Variants in GULP1 observed in about 807,000 individuals in gnomAD.
The protein encoded by GULP1 is PTB domain-containing engulfment adapter protein 1.
A neutral mutation model predicts 40.9 loss-of-function variants in GULP1; 19 were observed. That is an observed-to-expected ratio of 0.46 (90% CI 0.32 to 0.68). The LOEUF is 0.68. GULP1 is among the 30% of genes least tolerant of loss of function. The pLI is 0.03. For missense variants in GULP1, 312 were observed against 362.2 expected (o/e 0.86, Z 1.12); for synonymous variants, 119 against 117.6 (o/e 1.01, Z -0.08).
chr2:188,294,961 A>C (rs1157317623), intron 1 of GULP1, among the ~76,000 whole-genome samples: 1 of 152,202 alleles, frequency 6.6e-6, no homozygotes, highest in Admixed American at 6.5e-5. Flanking sequence ...CCACTTTTAC[A>C]TTTTAATCAT....
intron 1 of GULP1, among the ~76,000 whole-genome samples, chr2:188,350,907 G>A (rs963481417): frequency 3.3e-5 from 5 of 152,064 alleles, no homozygotes; most frequent in African/African-American, 1.2e-4. Flanking sequence ...AAGAAAATGA[G>A]CTTTGTTTAT....
intron 2 of GULP1, among the ~76,000 whole-genome samples, chr2:188,413,043 C>T (rs2054115623): frequency 6.6e-6 from 1 of 151,982 alleles, no homozygotes; most frequent in Admixed American, 6.6e-5. Context: ...ATACATTCAG[C>T]AATGTAACAC....
chr2:188,524,928 T>C (rs1685777161), intron 5 of GULP1, among the ~76,000 whole-genome samples: 1 of 151,832 alleles, frequency 6.6e-6, no homozygotes, highest in Admixed American at 6.6e-5. Context: ...AATATTAATG[T>C]AATGGCTTCT....
At chr2:188,585,421 G>A (rs1412075746) in intron 10 of GULP1, among the ~76,000 whole-genome samples, 1 of 152,210 alleles carries the variant, frequency 6.6e-6, no homozygotes, top group Non-Finnish European at 1.5e-5. Context: ...TGCCCTAGTA[G>A]AGGTTCTCCA....
At chr2:188,329,435 C>T (rs1252871862) in intron 1 of GULP1, among the ~76,000 whole-genome samples, 1 of 152,006 alleles carries the variant, frequency 6.6e-6, no homozygotes, top group Non-Finnish European at 1.5e-5. Context: ...AGAAAAAAGC[C>T]ATGGAGGTGT....
At chr2:188,391,980 A>AT (rs1016566986) in intron 2 of GULP1, among the ~76,000 whole-genome samples, 4 of 151,754 alleles carry the variant, frequency 2.6e-5, no homozygotes, top group Non-Finnish European at 5.9e-5. Flanking sequence ...ATGCTGTATT[A>AT]TTTTTTTGAT....
intron 4 of GULP1, among the ~76,000 whole-genome samples, chr2:188,486,773 A>T (rs574890754): frequency 6.6e-6 from 1 of 152,080 alleles, no homozygotes; most frequent in South Asian, 2.1e-4. Flanking sequence ...GTGCAGTGAC[A>T]GCATTAATAT....
Position 188,384,080 on chromosome 2 carries a change from AT to A in GULP1, c.-45+195del, listed in dbSNP as rs1235100014. On this transcript the variant is annotated intron_variant, in intron 2 of 11. Coordinates refer to ENST00000409830, the MANE Select transcript of GULP1 (RefSeq NM_016315.4). The stretch of plus-strand genomic sequence containing the variant: ...TTTTCTGAAAATAACTTCTGTCATC[AT>A]TTTGTTCTATATAATTTTATTTTTG... Among the ~76,000 whole-genome samples the A allele has an allele frequency of 5.3e-5, 8 of 152,268 alleles. 1 individual carries two copies. The South Asian group carries it at 8.3e-4, about 16-fold the overall frequency.
intron 4 of GULP1, among the ~76,000 whole-genome samples, chr2:188,512,214 C>A (rs2064650784): frequency 6.6e-6 from 1 of 151,844 alleles, no homozygotes; most frequent in East Asian, 1.9e-4. Flanking sequence ...GAAAATTAGT[C>A]CCATCATATT....
intron 1 of GULP1, among the ~76,000 whole-genome samples, chr2:188,354,076 G>A (rs985691531): frequency 6.6e-6 from 1 of 152,032 alleles, no homozygotes; most frequent in Admixed American, 6.5e-5. Flanking sequence ...CTCCTTCCCA[G>A]GGAGTAGAGT....
At chr2:188,367,043 T>A (rs1446260142) in intron 1 of GULP1, among the ~76,000 whole-genome samples, 1 of 152,216 alleles carries the variant, frequency 6.6e-6, no homozygotes, top group Admixed American at 6.5e-5. Flanking sequence ...AACAAATGGA[T>A]GTTTTTACCT....
chr2:188,502,965 A>G (rs2063568241), intron 4 of GULP1, among the ~76,000 whole-genome samples: 1 of 151,900 alleles, frequency 6.6e-6, no homozygotes, highest in Non-Finnish European at 1.5e-5. Context: ...CTCACATGGC[A>G]GAAAGGACAG....
chr2:188,419,604 A>T (rs538794138), intron 2 of GULP1, among the ~76,000 whole-genome samples: 80 of 149,480 alleles, frequency 5.4e-4, no homozygotes, highest in South Asian at 1.9e-3. Flanking sequence ...TATTTTGGAG[A>T]TTATCCTCAT....
chr2:188,390,818 T>A (rs1158658599), intron 2 of GULP1, among the ~76,000 whole-genome samples: 1 of 152,078 alleles, frequency 6.6e-6, no homozygotes. Flanking sequence ...GGGATCCAGT[T>A]TCACTCTTCT....
At chr2:188,297,892 G>A (rs972135835) in intron 1 of GULP1, among the ~76,000 whole-genome samples, 1 of 152,010 alleles carries the variant, frequency 6.6e-6, no homozygotes, top group African/African-American at 2.4e-5. Flanking sequence ...ATTGAAATAA[G>A]AGAATAAATG....
At chr2:188,303,845 T>C (rs1314362389) in intron 1 of GULP1, among the ~76,000 whole-genome samples, 1 of 152,186 alleles carries the variant, frequency 6.6e-6, no homozygotes, top group Non-Finnish European at 1.5e-5. Context: ...CCTTCATTCA[T>C]GGCAACTAAG....
At chr2:188,494,158 G>T (rs2153108320) in intron 4 of GULP1, among the ~76,000 whole-genome samples, 1 of 152,084 alleles carries the variant, frequency 6.6e-6, no homozygotes, top group Middle Eastern at 3.4e-3. Context: ...GTTACTGGAA[G>T]AAAGGAGAAA....
intron 1 of GULP1, among the ~76,000 whole-genome samples, chr2:188,323,816 T>C (rs1438700800): frequency 1.3e-5 from 2 of 151,942 alleles, no homozygotes; most frequent in South Asian, 2.1e-4. Context: ...TGGTCACTTA[T>C]GAATCCTAAG....
In GULP1 at chr2:188,585,664, G is replaced by A. The variant is rs189869554; in HGVS notation, c.748+1261G>A. On this transcript the variant is annotated intron_variant, in intron 10 of 11. Coordinates refer to ENST00000409830, the MANE Select transcript of GULP1 (RefSeq NM_016315.4). ...TAGAGCTGGAGTGGCTGGGATGCAG[G>A]ACATCAAGTCCTGAGGTTGCACAGA... Among the ~76,000 whole-genome samples the A allele has an allele frequency of 5.8e-4, 89 of 152,250 alleles. 1 individual carries two copies. Among genetic ancestry groups the A allele is most frequent in the African/African-American group, 1.9e-3 (79 of 41,560 alleles).
Sources: gnomAD v4.1 joint callset for allele counts (sites outside exome capture counted in the v4.1 genomes callset) on GRCh38, gnomAD v4.1.1 for gene constraint, MANE v1.5 for transcripts, NCBI Gene and HGNC (gene_info 2026-07-23, HGNC 2026-07-21) for gene names.